LMNB2: variants seen among roughly 807,000 people sequenced by gnomAD.
The protein encoded by LMNB2 is lamin-B2.
Under a neutral mutation model 69.3 loss-of-function variants are expected in LMNB2, and 17 were observed. The ratio of observed to expected loss-of-function variants is 0.25; its 90% CI spans 0.17 to 0.37. The LOEUF is 0.37. LMNB2 is among the 10% of genes least tolerant of loss of function. The probability of loss-of-function intolerance (pLI) is 1.00; values close to 1 mark genes in which losing one functional copy is unlikely to be tolerated. For synonymous variants in LMNB2, 397 were observed against 389.3 expected, an observed-to-expected ratio of 1.02 and a Z score of -0.23; for missense variants, 789 against 883.6, an observed-to-expected ratio of 0.89 and a Z score of 1.36.
chr19:2,446,603 C>T (rs533989867), intron 1 of LMNB2, among the ~76,000 whole-genome samples: 2 of 152,338 alleles, frequency 1.3e-5, no homozygotes, highest in African/African-American at 4.8e-5. Context: ...GGAAGCAAAC[C>T]GCAGTGAGAT....
In LMNB2 at chr19:2,431,554, G is replaced by A. The variant is rs746931215; in HGVS notation, c.1815C>T (p.His605=). 5 of 1,614,064 alleles carry A rather than the reference G, an allele frequency of 3.1e-6. 1 individual carries two copies. In the Admixed American group the frequency reaches 5.0e-5, roughly 16 times the overall value. Residue 605 remains histidine (H), a synonymous_variant, in exon 11 of 12, where the codon CAC becomes CAT. Coordinates refer to ENST00000325327, the MANE Select transcript of LMNB2 (RefSeq NM_032737.4). ...EAEFGEEDLF[H]QQGDPRTTSR... ...GTGGGCACAGGGGTCCTACCTGTTG[G>A]TGGAAAAGATCCTCCTCGCCAAACT...
chr19:2,438,036 G>A (rs1362613128), intron 4 of LMNB2, 127 bp downstream of exon 4: 4 of 1,414,622 alleles, frequency 2.8e-6, no homozygotes, highest in Non-Finnish European at 3.9e-6. Context: ...GAGGCAGGAA[G>A]GAGCCTCCCT....
chr19:2,441,834 G>A (rs7256079), intron 2 of LMNB2, among the ~76,000 whole-genome samples: 6,434 of 152,328 alleles, frequency 0.042, 155 homozygotes, highest in Non-Finnish European at 0.051. Flanking sequence ...GAGCCTTCCA[G>A]GCAGGCGAGC....
At chr19:2,449,803 C>A (rs567205635) in intron 1 of LMNB2, among the ~76,000 whole-genome samples, 3 of 151,908 alleles carry the variant, frequency 2.0e-5, no homozygotes, top group African/African-American at 7.2e-5. Flanking sequence ...TGTCTGGGCG[C>A]CGTGGCTCAC....
Position 2,441,856 on chromosome 19 carries a change from G to A in LMNB2, c.401+2548C>T, listed in dbSNP as rs530258508. ...CCAGGCAGGCGAGCAGCAGTGCAAAGGCCCAGGGGTGAGGTGGAAGAGGCA... is the reference window on the plus strand; with the variant it reads ...CCAGGCAGGCGAGCAGCAGTGCAAAAGCCCAGGGGTGAGGTGGAAGAGGCA... On this transcript the variant is annotated intron_variant, in intron 2 of 11. Coordinates refer to ENST00000325327, the MANE Select transcript of LMNB2 (RefSeq NM_032737.4). 3.3e-5 allele frequency among the ~76,000 whole-genome samples: 5 copies of A among 152,360 alleles called. No individual in the cohort carries two copies. The East Asian group carries it at 7.7e-4, about 23-fold the overall frequency.
rs376060464 is a variant in LMNB2 at position 2,430,470 on chromosome 19, A to G, written c.*441T>C. The stretch of plus-strand genomic sequence containing the variant: ...TGCAGGCTTGGCCCCGGGCCCCACC[A>G]GGTCGACGCCTGGATTCTGAATTTG... On this transcript the variant is annotated 3_prime_UTR_variant, in exon 12 of 12. Transcript: ENST00000325327. The G allele has an allele frequency of 8.2e-4, 234 of 286,282 alleles. 1 individual carries two copies. The highest frequency in any genetic ancestry group is 4.5e-3 in the African/African-American group (206 of 45,542). The allele number at this position is 286,282 out of a possible 1,614,324, so 17.7% of individuals were successfully genotyped here. A position where few individuals can be genotyped will look rare whatever the true frequency, so the allele number is the denominator to read the frequency against.
rs1971743798 is a variant in LMNB2 at position 2,431,779 on chromosome 19, C to T, written c.1710+4G>A. The T allele has an allele frequency of 1.9e-6, 3 of 1,613,766 alleles. No homozygotes were observed. Among genetic ancestry groups the T allele is most frequent in the South Asian group, 2.2e-5 (2 of 91,090 alleles). ...CGAGCACCCCCCAAGCCACACACACCCACCTCGCCATCCGCGTTAACCAGG... is the reference window on the plus strand; with the variant it reads ...CGAGCACCCCCCAAGCCACACACACTCACCTCGCCATCCGCGTTAACCAGG... On this transcript the variant is annotated splice_donor_region_variant and intron_variant, in intron 10 of 11. Coordinates refer to ENST00000325327, the MANE Select transcript of LMNB2 (RefSeq NM_032737.4).
chr19:2,438,662 G>T, intron 2 of LMNB2, 131 bp from the exon 3 acceptor site: 1 of 1,117,484 alleles, frequency 8.9e-7, no homozygotes, highest in South Asian at 1.6e-5. Flanking sequence ...TTCCCGTCCT[G>T]CAGACGACGC....
At chr19:2,442,127 C>T (rs902398426) in intron 2 of LMNB2, among the ~76,000 whole-genome samples, 3 of 152,112 alleles carry the variant, frequency 2.0e-5, no homozygotes, top group African/African-American at 7.2e-5. Flanking sequence ...CAGTGTTTCT[C>T]TCATTGTGGG....
chr19:2,441,407 C>T (rs1971899178), intron 2 of LMNB2, among the ~76,000 whole-genome samples: 1 of 152,256 alleles, frequency 6.6e-6, no homozygotes, highest in African/African-American at 2.4e-5. Flanking sequence ...CCCCTGTCCG[C>T]AGCCCTCAGG....
At chr19:2,433,534 C>T (rs1971774692) in intron 8 of LMNB2, among the ~76,000 whole-genome samples, 1 of 87,624 alleles carries the variant, frequency 1.1e-5, no homozygotes, top group South Asian at 4.8e-4. Flanking sequence ...TCGCATTGGC[C>T]GACGGCCCCG....
In LMNB2 at chr19:2,430,201, C is replaced by T. The variant is rs1162858571; in HGVS notation, c.*710G>A. 6.3e-6 allele frequency: 1 copy of T among 158,214 alleles called. No individual in the cohort carries two copies. The highest frequency in any genetic ancestry group is 1.4e-5 in the Non-Finnish European group (1 of 71,480). 9.8% of individuals were successfully genotyped at this position (158,214 alleles called of 1,614,324 possible). On this transcript the variant is annotated 3_prime_UTR_variant, in exon 12 of 12. Transcript: ENST00000325327. ...GACGGGACTGTCCTCATTCTTCCTTCCCCAGGTCTTCCCCTCCCCTGCCCT... is the reference window on the plus strand; with the variant it reads ...GACGGGACTGTCCTCATTCTTCCTTTCCCAGGTCTTCCCCTCCCCTGCCCT...
At chr19:2,445,244 A>G (rs1331124201) in intron 1 of LMNB2, among the ~76,000 whole-genome samples, 2 of 127,688 alleles carry the variant, frequency 1.6e-5, no homozygotes, top group Non-Finnish European at 3.3e-5. Context: ...AGGCCTCTGC[A>G]ACCTGGAGCC....
intron 3 of LMNB2, 23 bp from the exon 4 acceptor site, chr19:2,438,311 C>G: frequency 1.2e-6 from 2 of 1,613,836 alleles, no homozygotes; most frequent in Middle Eastern, 1.6e-4. Flanking sequence ...GGACAGCGAG[C>G]TGGTGTGACA....
chr19:2,437,280 G>C (rs1049399487), intron 4 of LMNB2: 3 of 152,504 alleles, frequency 2.0e-5, no homozygotes, highest in African/African-American at 7.2e-5. Context: ...CCCAGGTGAG[G>C]GGCTGCAGGT....
chr19:2,434,019 C>A lies in LMNB2; in HGVS notation c.1289G>T (p.Arg430Leu). Residue 430 changes from arginine to leucine, a missense_variant, in exon 8 of 12, where the codon CGC (arginine) becomes CTC (leucine). This residue lies in a region of LMNB2 where 609 missense variants were observed against 630.9 expected (regional missense o/e 0.97). Coordinates refer to ENST00000325327, the MANE Select transcript of LMNB2 (RefSeq NM_032737.4). ...CCGCTTCCGCTTACTGCGGCCCAGG[C>A]GCCCGGTGGCGGACAAGCTGCCGCT... ...SSSGSLSATGRLGRSKRKRLE... is the reference protein window; with the variant it reads ...SSSGSLSATGLLGRSKRKRLE... 6.2e-7 allele frequency: 1 copy of A among 1,605,184 alleles called. No individual in the cohort carries two copies. The highest frequency in any genetic ancestry group is 2.2e-5 in the East Asian group (1 of 44,632).
Position 2,434,054 on chromosome 19 carries a change from G to A in LMNB2, c.1254C>T (p.Thr418=), listed in dbSNP as rs1375228800. The A allele has an allele frequency of 1.4e-5, 23 of 1,600,474 alleles. No homozygotes were observed. The East Asian group carries it at 4.5e-4, about 31-fold the overall frequency. The change falls in exon 8 of 12, where the codon ACC becomes ACT. Residue 418 remains threonine, a synonymous_variant. Coordinates refer to ENST00000325327, the MANE Select transcript of LMNB2 (RefSeq NM_032737.4). ...PSSRVTVSRA[T]SSSSGSLSAT... ...CGGACAAGCTGCCGCTGCTGCTCGA[G>A]GTGGCTCGTGAGACGGTGACGCGCG...
chr19:2,451,032 G>A (rs1972016111), intron 1 of LMNB2, among the ~76,000 whole-genome samples: 1 of 152,014 alleles, frequency 6.6e-6, no homozygotes, highest in Non-Finnish European at 1.5e-5. Context: ...CCTGAGGTCA[G>A]GAGTTCGAGA....
intron 1 of LMNB2, among the ~76,000 whole-genome samples, chr19:2,449,271 G>A (rs1043004920): frequency 2.0e-5 from 3 of 152,182 alleles, no homozygotes; most frequent in South Asian, 2.1e-4. Flanking sequence ...AGGAGCGGGC[G>A]GTGTGGGTCT....
Sources: allele counts gnomAD v4.1 joint callset (sites outside exome capture counted in the v4.1 genomes callset), GRCh38; gene constraint gnomAD v4.1.1; regional missense constraint gnomAD v4.1.1; transcripts MANE v1.5; gene names NCBI Gene and HGNC (gene_info 2026-07-23, HGNC 2026-07-21).